Variants in SMYD2 observed in about 807,000 individuals in gnomAD.
SMYD2 encodes the protein N-lysine methyltransferase SMYD2.
Under a neutral mutation model 59.1 loss-of-function variants are expected in SMYD2, and 53 were observed. The ratio of observed to expected loss-of-function variants is 0.90; its 90% CI spans 0.72 to 1.13. SMYD2 has a LOEUF of 1.13. Among genes scored for constraint, SMYD2 ranks in the 50% most tolerant of loss-of-function variants. The probability of loss-of-function intolerance (pLI) is 0.00; values close to 1 mark genes in which losing one functional copy is unlikely to be tolerated. For synonymous variants in SMYD2, 208 were observed against 198.8 expected (o/e 1.05, Z -0.39); for missense variants, 494 against 544.7 (o/e 0.91, Z 0.93).
intron 1 of SMYD2, among the ~76,000 whole-genome samples, chr1:214,296,430 C>A (rs191736855): frequency 7.2e-5 from 11 of 152,216 alleles, no homozygotes; most frequent in Non-Finnish European, 1.2e-4. Flanking sequence ...CCCTTCTGTT[C>A]ACAGTAGGGT....
intron 1 of SMYD2, among the ~76,000 whole-genome samples, chr1:214,303,185 G>T (rs1200149492): frequency 6.6e-6 from 1 of 152,116 alleles, no homozygotes; most frequent in Non-Finnish European, 1.5e-5. Flanking sequence ...TTTTTGGATA[G>T]ACATTTTTAA....
intron 5 of SMYD2, among the ~76,000 whole-genome samples, chr1:214,323,104 G>A (rs1464853550): frequency 1.3e-5 from 2 of 152,172 alleles, no homozygotes; most frequent in Non-Finnish European, 2.9e-5. Context: ...ACAAATCATT[G>A]TTCCTCTCTG....
rs547877700 is a variant in SMYD2, at chr1:214,312,100, T to C, written c.238-2662T>C. On this transcript the variant is annotated intron_variant, in intron 2 of 11. Transcript: ENST00000366957. This position sits in a 1 kb window ranked among gnomAD's most constrained non-coding sequence, Gnocchi z 4.1. The stretch of plus-strand genomic sequence containing the variant: ...TTAGGCTTTGGCTAAAAACAGATTC[T>C]CTTCTCCCTTGTGCATATCTTGTCA... Among the ~76,000 whole-genome samples the C allele has an allele frequency of 5.3e-5, 8 of 152,234 alleles. No individual in the cohort carries two copies. Among genetic ancestry groups the C allele is most frequent in the Non-Finnish European group, 1.2e-4 (8 of 68,040 alleles).
chr1:214,307,447 G>A lies in SMYD2; in HGVS notation c.237+2197G>A, dbSNP rs576740635. On this transcript the variant is annotated intron_variant, in intron 2 of 11. Transcript: ENST00000366957. ...AAACAGCATAGTTTTGATTTAAGGG[G>A]CTTGGTTTTTCAGCCTGAGAGAATG... Among the ~76,000 whole-genome samples the A allele has an allele frequency of 2.0e-5, 3 of 152,318 alleles. No homozygotes were observed. The East Asian group carries it at 5.8e-4, about 29-fold the overall frequency.
At chr1:214,301,516 CA>C (rs986561080) in intron 1 of SMYD2, among the ~76,000 whole-genome samples, 2 of 151,936 alleles carry the variant, frequency 1.3e-5, no homozygotes, top group Non-Finnish European at 2.9e-5. Context: ...CAAACCATAT[CA>C]AAAAATCATA....
intron 1 of SMYD2, among the ~76,000 whole-genome samples, chr1:214,287,319 GC>G (rs1416065412): frequency 6.6e-6 from 1 of 151,872 alleles, no homozygotes; most frequent in Non-Finnish European, 1.5e-5. Flanking sequence ...GGGCGCGGTG[GC>G]TCATGCCTGT....
intron 1 of SMYD2, among the ~76,000 whole-genome samples, chr1:214,294,494 C>T (rs1656692182): frequency 6.6e-6 from 1 of 152,166 alleles, no homozygotes; most frequent in Admixed American, 6.5e-5. Flanking sequence ...ATGGTGAAAC[C>T]CCGTCTCTAC....
At chr1:214,335,240 T>A (rs74929895) in intron 11 of SMYD2, among the ~76,000 whole-genome samples, 4,176 of 152,266 alleles carry the variant, frequency 0.027, 86 homozygotes, top group Non-Finnish European at 0.044. Context: ...ACATCCCAAA[T>A]AGAAGGGTCA....
At position 214,327,650 on chromosome 1, in the gene SMYD2, C is replaced by A. The variant is rs1268352357; in HGVS notation, c.631C>A (p.Pro211Thr). Reference sequence around the variant, plus strand: ...TGCATTGATGAATCATAGCTGTTGCCCCAATGTCATTGTGACCTACAAAGG... The same window carrying A: ...TGCATTGATGAATCATAGCTGTTGCACCAATGTCATTGTGACCTACAAAGG... ...DVALMNHSCC[P>T]NVIVTYKGTL... The change falls in exon 7 of 12, where the codon CCC becomes ACC. Residue 211 changes from proline to threonine, a missense_variant. Physicochemically the swap from Pro to Thr is conservative, Grantham distance 38. Coordinates refer to ENST00000366957, the MANE Select transcript of SMYD2 (RefSeq NM_020197.3). 4 of 1,613,984 alleles carry A rather than the reference C, an allele frequency of 2.5e-6. No homozygotes were observed. In the Admixed American group the frequency reaches 6.7e-5, roughly 27 times the overall value.
At chr1:214,295,004 G>T (rs936786493) in intron 1 of SMYD2, among the ~76,000 whole-genome samples, 1 of 152,176 alleles carries the variant, frequency 6.6e-6, no homozygotes, top group African/African-American at 2.4e-5. Context: ...TCATTACAAA[G>T]TACTAATAGT....
chr1:214,284,368 C>G (rs1003496611), intron 1 of SMYD2, among the ~76,000 whole-genome samples: 6 of 133,336 alleles, frequency 4.5e-5, no homozygotes, highest in Non-Finnish European at 9.3e-5. Flanking sequence ...TCAAGCAATT[C>G]CTCTGCCTCA....
rs1160374500 is a variant in SMYD2, at chr1:214,281,308, C to G, written c.54C>G (p.Gly18=). The G allele has an allele frequency of 4.3e-6, 6 of 1,397,950 alleles. No homozygotes were observed. The highest frequency in any genetic ancestry group is 5.6e-6 in the Non-Finnish European group (6 of 1,066,136). The allele number at this position is 1,397,950 out of a possible 1,614,324, so 86.6% of individuals were successfully genotyped here. Residue 18 remains glycine, a synonymous_variant, in exon 1 of 12, where the codon GGC becomes GGG. Transcript: ENST00000366957. The part of the protein sequence containing the change: ...GLERFCSPGK[G]RGLRALQPFQ... ...AGCGCTTCTGCAGCCCGGGCAAAGG[C>G]CGGGGGCTGCGGGCTCTGCAGCCCT...
chr1:214,281,640 C>T (rs1191956587), intron 1 of SMYD2, among the ~76,000 whole-genome samples: 2 of 152,190 alleles, frequency 1.3e-5, no homozygotes, highest in Admixed American at 6.5e-5. Flanking sequence ...AGGACCGGTG[C>T]CCCGCTGCAC....
chr1:214,298,361 A>G (rs543710809), intron 1 of SMYD2, among the ~76,000 whole-genome samples: 1 of 152,210 alleles, frequency 6.6e-6, no homozygotes, highest in East Asian at 1.9e-4. Flanking sequence ...ATGCAGAAGA[A>G]TGAAACTGGA....
intron 2 of SMYD2, among the ~76,000 whole-genome samples, chr1:214,310,175 T>C (rs1656977011): frequency 6.6e-6 from 1 of 152,262 alleles, no homozygotes; most frequent in African/African-American, 2.4e-5. Context: ...CTTCCAGTGC[T>C]GGAAATGCTG....
chr1:214,281,396 CG>C lies in SMYD2; in HGVS notation c.146del (p.Gly49AlafsTer58). 6.8e-7 allele frequency: 1 copy of C among 1,463,004 alleles called. No individual in the cohort carries two copies. The highest frequency in any genetic ancestry group is 1.4e-5 in the South Asian group (1 of 69,166). The allele number at this position is 1,463,004 out of a possible 1,614,324, so 90.6% of individuals were successfully genotyped here. A position where few individuals can be genotyped will look rare whatever the true frequency, so the allele number is the denominator to read the frequency against. ...TGCCTACGTGCTCACGGTCAACGAGCGGGGCAACCACTGCGAGTACTGCTTC... is the reference window on the plus strand; with the variant it reads ...TGCCTACGTGCTCACGGTCAACGAGCGGGCAACCACTGCGAGTACTGCTTC... ...AYAYVLTVNERGNHCEYCFTR... is the reference protein window; with the variant it reads ...AYAYVLTVNEXGNHCEYCFTR... On this transcript the variant is annotated frameshift_variant, in exon 1 of 12. Coordinates refer to ENST00000366957, the MANE Select transcript of SMYD2 (RefSeq NM_020197.3). LOFTEE classifies it high-confidence loss of function.
intron 2 of SMYD2, among the ~76,000 whole-genome samples, chr1:214,311,518 G>A (rs964397138): frequency 6.6e-6 from 1 of 152,116 alleles, no homozygotes; most frequent in Non-Finnish European, 1.5e-5. Flanking sequence ...CAGCTGCTTC[G>A]CTGCGAGTGG....
At chr1:214,305,310 G>T (rs1656899129) in intron 2 of SMYD2, 60 bp downstream of exon 2, 1 of 1,480,292 alleles carries the variant, frequency 6.8e-7, no homozygotes, top group South Asian at 1.1e-5. Flanking sequence ...CCTCTTCCTT[G>T]TCATGGCATT....
chr1:214,318,098 C>T lies in SMYD2; in HGVS notation c.368C>T (p.Thr123Ile), dbSNP rs147350343. The T allele has an allele frequency of 3.0e-5, 48 of 1,613,830 alleles. 1 individual carries two copies. The African/African-American group carries it at 6.1e-4, about 21-fold the overall frequency. The change falls in exon 4 of 12, where the codon ACA becomes ATA. Residue 123 changes from threonine to isoleucine, a missense_variant. By Grantham distance (89) the Thr-to-Ile change is moderately conservative. Transcript: ENST00000366957. The surrounding 1 kb of genome is among the most constrained non-coding windows in gnomAD (Gnocchi z 5.4). Reference sequence around the variant, plus strand: ...TGCTAGAAAATCCACCCAGAGAGAACACCTTCGGAAAAATTGTTAGCTGTG... The same window carrying T: ...TGCTAGAAAATCCACCCAGAGAGAATACCTTCGGAAAAATTGTTAGCTGTG... ...LAKQKIHPERTPSEKLLAVKE... is the reference protein window; with the variant it reads ...LAKQKIHPERIPSEKLLAVKE...
Sources: allele counts gnomAD v4.1 joint callset (sites outside exome capture counted in the v4.1 genomes callset), GRCh38; gene constraint gnomAD v4.1.1; non-coding constraint Gnocchi (gnomAD v3.1); transcripts MANE v1.5; gene names NCBI Gene and HGNC (gene_info 2026-07-23, HGNC 2026-07-21).